The following TRIO variants were observed in gnomAD, a reference collection of about 807,000 sequenced individuals.
TRIO encodes the protein trio Rho guanine nucleotide exchange factor.
TRIO carries 58 observed loss-of-function variants against 351.9 expected under a neutral mutation model. That is an observed-to-expected ratio of 0.16 (90% CI 0.13 to 0.21). TRIO has a LOEUF of 0.21. TRIO is among the 10% of genes least tolerant of loss of function. The pLI is 1.00. For synonymous variants in TRIO, 1,758 were observed against 1,595.7 expected, an observed-to-expected ratio of 1.10 and a Z score of -2.42; for missense variants, 3,201 against 4,027.8, an observed-to-expected ratio of 0.79 and a Z score of 5.56.
intron 11 of TRIO, among the ~76,000 whole-genome samples, chr5:14,341,841 T>C (rs1376478100): frequency 6.6e-6 from 1 of 152,248 alleles, no homozygotes; most frequent in Non-Finnish European, 1.5e-5. Context: ...CCCACTTGAA[T>C]TGGGCTGTGA....
intron 1 of TRIO, among the ~76,000 whole-genome samples, chr5:14,232,532 A>C (rs1256182836): frequency 6.6e-6 from 1 of 152,196 alleles, no homozygotes; most frequent in Non-Finnish European, 1.5e-5. Context: ...CAAGGGCAGG[A>C]ATTGTCTGGC....
chr5:14,208,087 A>G (rs1436916890), intron 1 of TRIO, among the ~76,000 whole-genome samples: 3 of 152,234 alleles, frequency 2.0e-5, no homozygotes, highest in East Asian at 1.9e-4. Context: ...TCAGTTTGGA[A>G]AACAGTTTGC....
At chr5:14,408,242 C>A (rs972464942) in intron 33 of TRIO, among the ~76,000 whole-genome samples, 2 of 152,182 alleles carry the variant, frequency 1.3e-5, no homozygotes, top group Non-Finnish European at 2.9e-5. Context: ...ACTTAATGTT[C>A]TAGTTTCAAG....
At chr5:14,292,889 A>C in intron 5 of TRIO, 123 bp from the exon 6 acceptor site, 4 of 1,376,646 alleles carry the variant, frequency 2.9e-6, no homozygotes, top group Non-Finnish European at 4.0e-6. Flanking sequence ...TGAGAGAATC[A>C]GACAGCGCTT....
intron 1 of TRIO, among the ~76,000 whole-genome samples, chr5:14,200,200 C>T (rs1038956389): frequency 1.3e-5 from 2 of 152,134 alleles, no homozygotes; most frequent in African/African-American, 4.8e-5. Flanking sequence ...CGTGCCCTGC[C>T]CCTCCCCTCC....
intron 5 of TRIO, 49 bp downstream of exon 5, chr5:14,291,277 G>A (rs781083645): frequency 3.2e-5 from 51 of 1,576,726 alleles, no homozygotes; most frequent in African/African-American, 5.4e-5. Flanking sequence ...GGAAGCCAGC[G>A]CTGGTGGGTT....
chr5:14,314,315 T>A (rs995640399), intron 8 of TRIO, among the ~76,000 whole-genome samples: 1 of 152,240 alleles, frequency 6.6e-6, no homozygotes, highest in African/African-American at 2.4e-5. Context: ...TATGATAAAA[T>A]GTTTTTCAGT....
intron 28 of TRIO, among the ~76,000 whole-genome samples, chr5:14,394,760 A>G (rs1449614751): frequency 6.6e-6 from 1 of 152,230 alleles, no homozygotes; most frequent in Non-Finnish European, 1.5e-5. Flanking sequence ...TTAAAATCAC[A>G]TTTAAGAAAA....
At chr5:14,443,787 C>T (rs564335012) in intron 34 of TRIO, among the ~76,000 whole-genome samples, 2 of 152,122 alleles carry the variant, frequency 1.3e-5, no homozygotes, top group South Asian at 2.1e-4. Context: ...TACTGCTAAG[C>T]GATTGTTAAG....
chr5:14,489,441 C>T (rs756901974), intron 48 of TRIO, among the ~76,000 whole-genome samples: 6 of 152,120 alleles, frequency 3.9e-5, no homozygotes, highest in East Asian at 3.9e-4. Flanking sequence ...GTATGCTAGG[C>T]GGGTGAGCAT....
chr5:14,296,403 G>A (rs1334386176), intron 6 of TRIO, among the ~76,000 whole-genome samples: 3 of 152,216 alleles, frequency 2.0e-5, no homozygotes, highest in Non-Finnish European at 4.4e-5. Flanking sequence ...TCTGCAAAAA[G>A]GGTGGGTTTT....
intron 47 of TRIO, among the ~76,000 whole-genome samples, chr5:14,487,215 T>C (rs1755980993): frequency 6.6e-6 from 1 of 152,172 alleles, no homozygotes; most frequent in African/African-American, 2.4e-5. Flanking sequence ...TTGGTCTTCC[T>C]GTGGACACTG....
intron 34 of TRIO, among the ~76,000 whole-genome samples, chr5:14,431,705 T>C (rs914723908): frequency 3.3e-5 from 5 of 152,212 alleles, no homozygotes; most frequent in Non-Finnish European, 5.9e-5. Context: ...TGTATTCATC[T>C]GCTGGCTGCC....
chr5:14,268,609 AGGGGGAATCCTCCCTTCAAACAG>A (rs1173254738), intron 1 of TRIO, among the ~76,000 whole-genome samples: 1 of 152,206 alleles, frequency 6.6e-6, no homozygotes, highest in Non-Finnish European at 1.5e-5. Context: ...GAGCAACAGA[AGGGGGAATCCTCCCTTCAAACAG>A]ATAGGGATCT....
At chr5:14,344,063 G>A (rs1483287297) in intron 11 of TRIO, among the ~76,000 whole-genome samples, 1 of 152,190 alleles carries the variant, frequency 6.6e-6, no homozygotes, top group Non-Finnish European at 1.5e-5. Context: ...GCTCTTTAGT[G>A]CATTAAATTC....
At chr5:14,209,276 A>G (rs1791733577) in intron 1 of TRIO, among the ~76,000 whole-genome samples, 1 of 152,206 alleles carries the variant, frequency 6.6e-6, no homozygotes, top group South Asian at 2.1e-4. Context: ...TAAAGACCAT[A>G]TTGTGAACAT....
chr5:14,481,623 T>C lies in TRIO; in HGVS notation c.6465+5T>C. 1.2e-6 allele frequency: 2 copies of C among 1,614,178 alleles called. No individual in the cohort carries two copies. The highest frequency in any genetic ancestry group is 1.7e-6 in the Non-Finnish European group (2 of 1,180,022). ...GGGCGGCTGCAAGGATTCGACGTAA[T>C]GCGGCTCTTGTTTTTTAAGAGAGCT... On this transcript the variant is annotated splice_donor_5th_base_variant and intron_variant, in intron 45 of 56. Coordinates refer to ENST00000344204, the MANE Select transcript of TRIO (RefSeq NM_007118.4).
chr5:14,508,317 G>A lies in TRIO; in HGVS notation c.9189G>A (p.Thr3063=), dbSNP rs73063533. 1.2e-5 allele frequency: 20 copies of A among 1,613,992 alleles called. No homozygotes were observed. Among genetic ancestry groups the A allele is most frequent in the African/African-American group, 6.7e-5 (5 of 75,062 alleles). The change falls in exon 57 of 57, where the codon ACG becomes ACA. Residue 3063 remains threonine, a synonymous_variant. Coordinates refer to ENST00000344204, the MANE Select transcript of TRIO (RefSeq NM_007118.4). The part of the protein sequence containing the change: ...GNGRSTGVLD[T]SRLTSFIERR... Reference sequence around the variant, plus strand: ...GCAGAAGCACGGGCGTCCTCGACACGTCCAGACTGACTTCCTTCATTGAGC... The same window carrying A: ...GCAGAAGCACGGGCGTCCTCGACACATCCAGACTGACTTCCTTCATTGAGC...
chr5:14,349,057 C>T (rs1742753493), intron 11 of TRIO, among the ~76,000 whole-genome samples: 2 of 142,686 alleles, frequency 1.4e-5, no homozygotes, highest in South Asian at 4.5e-4. Context: ...TGTGTTTTTC[C>T]TGCATGTTTG....
Sources: allele counts gnomAD v4.1 joint callset (sites outside exome capture counted in the v4.1 genomes callset), GRCh38; gene constraint gnomAD v4.1.1; transcripts MANE v1.5; gene names NCBI Gene and HGNC (gene_info 2026-07-23, HGNC 2026-07-21).